Variants in DNAJC24 observed in about 807,000 individuals in gnomAD.
DNAJC24 encodes the protein DnaJ heat shock protein family (Hsp40) member C24, also known as dnaJ homolog subfamily C member 24.
In DNAJC24, 17 loss-of-function variants were observed where a neutral mutation model predicts 18.0. That is an observed-to-expected ratio of 0.94 (90% CI 0.65 to 1.42). DNAJC24 has a LOEUF of 1.42. DNAJC24 is among the 40% of genes most tolerant of loss of function. The probability of loss-of-function intolerance (pLI) is 0.00; values close to 1 mark genes in which losing one functional copy is unlikely to be tolerated. For missense variants in DNAJC24, 158 were observed against 175.6 expected (o/e 0.90, Z 0.57); for synonymous variants, 55 against 57.7 (o/e 0.95, Z 0.21).
At chr11:31,399,170 G>C (rs1952573434) in intron 2 of DNAJC24, among the ~76,000 whole-genome samples, 1 of 152,100 alleles carries the variant, frequency 6.6e-6, no homozygotes, top group South Asian at 2.1e-4. Context: ...AGTCATACAG[G>C]ACAGGGGTTA....
At chr11:31,425,005 A>G (rs1952847263) in intron 3 of DNAJC24, among the ~76,000 whole-genome samples, 1 of 151,958 alleles carries the variant, frequency 6.6e-6, no homozygotes, top group South Asian at 2.1e-4. Context: ...TTATTCTAGA[A>G]GAACAATACA....
At chr11:31,415,169 G>A in intron 3 of DNAJC24, 1 of 429,704 alleles carries the variant, frequency 2.3e-6, no homozygotes, top group East Asian at 3.8e-5. Context: ...TTCTTGTGAA[G>A]CCTTGAAAGC....
rs1206272681 is a variant in DNAJC24 at position 31,432,638 on chromosome 11, G to A, written c.*2237G>A. On this transcript the variant is annotated 3_prime_UTR_variant, in exon 5 of 5. Coordinates refer to ENST00000465995, the MANE Select transcript of DNAJC24 (RefSeq NM_181706.5). Reference sequence around the variant, plus strand: ...TTATAGTATCATCATATTCCCTTTTGCTATCTGTCCCTTTTCTCTATGCCA... The same window carrying A: ...TTATAGTATCATCATATTCCCTTTTACTATCTGTCCCTTTTCTCTATGCCA... 1 of 1,022,070 alleles carries A rather than the reference G, an allele frequency of 9.8e-7. No homozygotes were observed. The highest frequency in any genetic ancestry group is 2.4e-5 in the East Asian group (1 of 41,848). The allele number at this position is 1,022,070 out of a possible 1,614,324, so 63.3% of individuals were successfully genotyped here. A position where few individuals can be genotyped will look rare whatever the true frequency, so the allele number is the denominator to read the frequency against.
chr11:31,401,247 A>G (rs1279007265), intron 2 of DNAJC24, among the ~76,000 whole-genome samples: 1 of 152,210 alleles, frequency 6.6e-6, no homozygotes, highest in Non-Finnish European at 1.5e-5. Context: ...AAGGCTGTGG[A>G]GAAATAGGAA....
intron 4 of DNAJC24, among the ~76,000 whole-genome samples, chr11:31,428,709 T>TAA (rs1352719487): frequency 6.6e-6 from 1 of 152,202 alleles, no homozygotes; most frequent in Non-Finnish European, 1.5e-5. Context: ...TCTTTGCCCT[T>TAA]ACAGTTAGTC....
chr11:31,394,502 C>G (rs1372640627), intron 2 of DNAJC24, among the ~76,000 whole-genome samples: 1 of 151,532 alleles, frequency 6.6e-6, no homozygotes, highest in East Asian at 1.9e-4. Context: ...CTATGATGGC[C>G]CTCCTCTTCC....
chr11:31,398,533 A>T (rs1052245495), intron 2 of DNAJC24, among the ~76,000 whole-genome samples: 1 of 152,252 alleles, frequency 6.6e-6, no homozygotes, highest in Admixed American at 6.5e-5. Context: ...AAAGAAATAG[A>T]TAACTTTTAT....
intron 2 of DNAJC24, among the ~76,000 whole-genome samples, chr11:31,401,951 G>A (rs1489078917): frequency 6.6e-6 from 1 of 152,160 alleles, no homozygotes; most frequent in Non-Finnish European, 1.5e-5. Context: ...TTACATTACG[G>A]AGCCAAATTC....
chr11:31,417,855 TA>T (rs1952764743), intron 3 of DNAJC24, among the ~76,000 whole-genome samples: 1 of 152,086 alleles, frequency 6.6e-6, no homozygotes, highest in African/African-American at 2.4e-5. Context: ...AAAGATAATT[TA>T]AAGGGACACT....
At chr11:31,393,538 C>T (rs935120839) in intron 2 of DNAJC24, among the ~76,000 whole-genome samples, 1 of 152,066 alleles carries the variant, frequency 6.6e-6, no homozygotes, top group African/African-American at 2.4e-5. Flanking sequence ...TAGAAAAGGG[C>T]AAGTTCAGTT....
At position 31,432,386 on chromosome 11, in the gene DNAJC24, A is replaced by G; in HGVS notation, c.*1985A>G. 1.5e-6 allele frequency: 1 copy of G among 678,796 alleles called. No individual in the cohort carries two copies. Among genetic ancestry groups the G allele is most frequent in the Non-Finnish European group, 2.5e-6 (1 of 399,840 alleles). The allele number at this position is 678,796 out of a possible 1,614,324, so 42.0% of individuals were successfully genotyped here. A position where few individuals can be genotyped will look rare whatever the true frequency, so the allele number is the denominator to read the frequency against. On this transcript the variant is annotated 3_prime_UTR_variant, in exon 5 of 5. Coordinates refer to ENST00000465995, the MANE Select transcript of DNAJC24 (RefSeq NM_181706.5). ...TGAATATTCTTTACATTTAACAATTAAAAACAACTAAAACTGAATAGCAAA... is the reference window on the plus strand; with the variant it reads ...TGAATATTCTTTACATTTAACAATTGAAAACAACTAAAACTGAATAGCAAA...
chr11:31,399,057 T>C (rs1952572479), intron 2 of DNAJC24, among the ~76,000 whole-genome samples: 1 of 152,216 alleles, frequency 6.6e-6, no homozygotes, highest in African/African-American at 2.4e-5. Context: ...CAAAGACTTA[T>C]TTGATTTGCT....
intron 2 of DNAJC24, among the ~76,000 whole-genome samples, chr11:31,402,405 G>A (rs922701883): frequency 1.6e-4 from 25 of 152,172 alleles, no homozygotes; most frequent in African/African-American, 4.3e-4. Flanking sequence ...GTACACTATT[G>A]TAGACTTTAT....
Position 31,432,578 on chromosome 11 carries a change from C to CAAA in DNAJC24, c.*2179_*2181dup, listed in dbSNP as rs1251867642. ...CACTCAGAGGCCAAATCTGTAAAAT[C>CAAA]AAAATGAGGTTGAAGACAATTAGTG... On this transcript the variant is annotated 3_prime_UTR_variant, in exon 5 of 5. Transcript: ENST00000465995. The CAAA allele has an allele frequency of 1.3e-6, 2 of 1,596,950 alleles. No homozygotes were observed. Among genetic ancestry groups the CAAA allele is most frequent in the African/African-American group, 2.7e-5 (2 of 74,532 alleles).
chr11:31,412,430 A>C (rs1002533928), intron 2 of DNAJC24, among the ~76,000 whole-genome samples: 16 of 152,218 alleles, frequency 1.1e-4, no homozygotes, highest in African/African-American at 3.9e-4. Context: ...GGCATATTTG[A>C]ATATGTTACA....
chr11:31,407,263 A>T (rs966191243), intron 2 of DNAJC24, among the ~76,000 whole-genome samples: 70 of 152,220 alleles, frequency 4.6e-4, no homozygotes, highest in Middle Eastern at 3.4e-3. Context: ...GTTACTTCTT[A>T]TGTATAGTTT....
chr11:31,426,687 A>C (rs921006887), intron 4 of DNAJC24: 2 of 182,456 alleles, frequency 1.1e-5, no homozygotes, highest in African/African-American at 4.7e-5. Context: ...AAATAATGTC[A>C]AACAAGATAG....
chr11:31,426,633 A>G (rs990390178), intron 4 of DNAJC24: 1 of 282,050 alleles, frequency 3.5e-6, no homozygotes, highest in Non-Finnish European at 6.5e-6. Context: ...GTGTTTTTTT[A>G]CTTTAGTTTT....
chr11:31,396,071 TCTC>T (rs1228254313), intron 2 of DNAJC24, among the ~76,000 whole-genome samples: 1 of 152,220 alleles, frequency 6.6e-6, no homozygotes, highest in Non-Finnish European at 1.5e-5. Flanking sequence ...TCCATTGGCT[TCTC>T]AGCCCACTCC....
Sources: allele counts gnomAD v4.1 joint callset (sites outside exome capture counted in the v4.1 genomes callset), GRCh38; gene constraint gnomAD v4.1.1; transcripts MANE v1.5; gene names NCBI Gene and HGNC (gene_info 2026-07-23, HGNC 2026-07-21).